Variants in MAF observed in about 807,000 individuals in gnomAD.
The protein encoded by MAF is MAF bZIP transcription factor, also known as transcription factor Maf.
A neutral mutation model predicts 22.0 loss-of-function variants in MAF; 10 were observed. That is an observed-to-expected ratio of 0.45 (90% CI 0.28 to 0.77). MAF has a LOEUF of 0.77. Among genes scored for constraint, MAF ranks in the 30% least tolerant of loss-of-function variants. The probability of loss-of-function intolerance (pLI) is 0.12; values close to 1 mark genes in which losing one functional copy is unlikely to be tolerated. For synonymous variants in MAF, 337 were observed against 255.8 expected (o/e 1.32, Z -3.03); for missense variants, 544 against 548.4 (o/e 0.99, Z 0.08).
the MAF span, among the ~76,000 whole-genome samples, chr16:79,265,483 A>G: frequency 6.8e-6 from 1 of 146,266 alleles, no homozygotes; most frequent in East Asian, 2.0e-4. Context: ...TCCAAGTACG[A>G]TATGTTCCAA....
the MAF span, among the ~76,000 whole-genome samples, chr16:79,306,976 C>A: frequency 2.0e-5 from 3 of 152,310 alleles, no homozygotes; most frequent in Admixed American, 6.5e-5. Context: ...GCCATATGTA[C>A]AATCTGCTGT....
the MAF span, among the ~76,000 whole-genome samples, chr16:79,231,008 C>G: frequency 4.6e-5 from 7 of 152,048 alleles, no homozygotes; most frequent in Admixed American, 1.3e-4. Flanking sequence ...GTTCAAATAT[C>G]TATTTTAAAA....
At chr16:79,557,449 G>A in the MAF span, among the ~76,000 whole-genome samples, 1 of 152,054 alleles carries the variant, frequency 6.6e-6, no homozygotes, top group South Asian at 2.1e-4. Context: ...CCCCAATAGA[G>A]TCAGCCCAAA....
At chr16:79,513,901 T>A in the MAF span, among the ~76,000 whole-genome samples, 1 of 152,208 alleles carries the variant, frequency 6.6e-6, no homozygotes, top group African/African-American at 2.4e-5. Flanking sequence ...TTTTCGGCAC[T>A]GAATATCTCC....
At chr16:79,540,057 G>A in the MAF span, among the ~76,000 whole-genome samples, 1 of 152,122 alleles carries the variant, frequency 6.6e-6, no homozygotes, top group African/African-American at 2.4e-5. Context: ...TTTGTGAGCT[G>A]TCCCTGCTAA....
the MAF span, among the ~76,000 whole-genome samples, chr16:79,288,887 G>A: frequency 4.6e-5 from 7 of 152,108 alleles, no homozygotes; most frequent in African/African-American, 1.7e-4. Context: ...GCACCACCAT[G>A]CCCAGCTAAT....
the MAF span, among the ~76,000 whole-genome samples, chr16:79,294,665 T>G: frequency 1.3e-5 from 2 of 152,212 alleles, no homozygotes; most frequent in Non-Finnish European, 2.9e-5. Context: ...CAGAGGAAAT[T>G]AGCTTCAGAG....
downstream of MAF, among the ~76,000 whole-genome samples, chr16:79,583,360 G>C (rs996797342): frequency 1.3e-5 from 2 of 152,132 alleles, no homozygotes; most frequent in South Asian, 4.1e-4. Flanking sequence ...CCGATTGTAA[G>C]ACTAGAAAAA....
the MAF span, among the ~76,000 whole-genome samples, chr16:79,525,950 T>G: frequency 2.1e-3 from 325 of 152,310 alleles, no homozygotes; most frequent in African/African-American, 7.6e-3. Context: ...CTTGGAGACG[T>G]GAGGACATCA....
chr16:79,324,889 T>G, the MAF span, among the ~76,000 whole-genome samples: 1 of 152,120 alleles, frequency 6.6e-6, no homozygotes, highest in Non-Finnish European at 1.5e-5. Context: ...ATGCTCCTTC[T>G]GAAGGGTCTA....
At chr16:79,247,696 T>A in the MAF span, among the ~76,000 whole-genome samples, 8 of 152,154 alleles carry the variant, frequency 5.3e-5, no homozygotes, top group Admixed American at 3.3e-4. Flanking sequence ...AACAAAGGCA[T>A]CTTCCTGGAA....
chr16:79,362,976 T>C, the MAF span, among the ~76,000 whole-genome samples: 1 of 152,358 alleles, frequency 6.6e-6, no homozygotes, highest in South Asian at 2.1e-4. Context: ...AGTAATCCTG[T>C]TAGCCTTGCA....
At chr16:79,346,193 T>G in the MAF span, among the ~76,000 whole-genome samples, 1 of 109,716 alleles carries the variant, frequency 9.1e-6, no homozygotes, top group African/African-American at 3.8e-5. Context: ...CCCACCCCAC[T>G]ACAGTCCCCG....
chr16:79,291,503 T>A, the MAF span, among the ~76,000 whole-genome samples: 7 of 151,948 alleles, frequency 4.6e-5, no homozygotes, highest in Non-Finnish European at 7.4e-5. Flanking sequence ...CTCCTTACCT[T>A]TTCCTTTTTT....
At chr16:79,384,384 G>T in the MAF span, among the ~76,000 whole-genome samples, 1 of 148,710 alleles carries the variant, frequency 6.7e-6, no homozygotes, top group Admixed American at 6.8e-5. Context: ...GGCAGAGGTT[G>T]CAGTGAGCCA....
chr16:79,519,429 C>CG, the MAF span, among the ~76,000 whole-genome samples: 1 of 152,194 alleles, frequency 6.6e-6, no homozygotes, highest in African/African-American at 2.4e-5. Flanking sequence ...TAGAATGCTA[C>CG]GGGGAGTCTC....
At chr16:79,595,093 CAG>C (rs1295920373) in intron 1 of MAF, 2 of 1,038,692 alleles carry the variant, frequency 1.9e-6, no homozygotes, top group East Asian at 5.8e-5. Context: ...TCTGCTTCTT[CAG>C]AGTTTGTGTA....
chr16:79,431,775 A>AT, the MAF span, among the ~76,000 whole-genome samples: 1 of 152,172 alleles, frequency 6.6e-6, no homozygotes, highest in Admixed American at 6.5e-5. Context: ...GAGAAACATG[A>AT]TTTTCTGGTA....
the MAF span, among the ~76,000 whole-genome samples, chr16:79,315,228 G>T: frequency 2.6e-5 from 4 of 152,198 alleles, no homozygotes; most frequent in East Asian, 7.7e-4. Context: ...GGAAGAGCCA[G>T]GCAATAACAC....
Sources: gnomAD v4.1 joint callset for allele counts (sites outside exome capture counted in the v4.1 genomes callset) on GRCh38, gnomAD v4.1.1 for gene constraint, MANE v1.5 for transcripts, NCBI Gene and HGNC (gene_info 2026-07-23, HGNC 2026-07-21) for gene names.